FECH: variants seen among roughly 807,000 people sequenced by gnomAD.
The protein encoded by FECH is ferrochelatase.
A neutral mutation model predicts 56.9 loss-of-function variants in FECH; 40 were observed. The observed-to-expected ratio is 0.70, with a 90% CI of 0.55 to 0.92. The LOEUF is 0.92. Ranked by LOEUF, FECH falls within the 40% of genes least tolerant of loss-of-function variation. The pLI is 0.00. For synonymous variants in FECH, 175 were observed against 198.6 expected, an observed-to-expected ratio of 0.88 and a Z score of 1.00; for missense variants, 431 against 529.1, an observed-to-expected ratio of 0.81 and a Z score of 1.82.
chr18:57,582,536 G>A (rs2051297275), intron 1 of FECH, among the ~76,000 whole-genome samples: 1 of 152,002 alleles, frequency 6.6e-6, no homozygotes, highest in Admixed American at 6.6e-5. Context: ...GCAGAGGTGG[G>A]AGGATCGCTT....
intron 1 of FECH, among the ~76,000 whole-genome samples, chr18:57,580,599 C>A (rs1426345675): frequency 6.6e-6 from 1 of 152,138 alleles, no homozygotes; most frequent in Non-Finnish European, 1.5e-5. Flanking sequence ...GGCGAGTGGG[C>A]CAGTTTCCAA....
chr18:57,573,612 A>G (rs1336026941), intron 2 of FECH, among the ~76,000 whole-genome samples: 1 of 152,192 alleles, frequency 6.6e-6, no homozygotes, highest in Non-Finnish European at 1.5e-5. Context: ...TCCGCTAGAA[A>G]TGTTTCCCTT....
chr18:57,565,584 AAAAG>A (rs2051005960), intron 5 of FECH, among the ~76,000 whole-genome samples: 2 of 151,686 alleles, frequency 1.3e-5, no homozygotes, highest in Non-Finnish European at 2.9e-5. Context: ...AAAAAAAAAA[AAAAG>A]AAAGAAATGA....
At chr18:57,564,501 C>T (rs1033941196) in intron 5 of FECH, among the ~76,000 whole-genome samples, 2 of 152,128 alleles carry the variant, frequency 1.3e-5, no homozygotes, top group African/African-American at 4.8e-5. Context: ...TTTCCATCAC[C>T]GATCCACTGG....
chr18:57,557,786 G>C (rs1177875011), intron 7 of FECH, among the ~76,000 whole-genome samples: 1 of 152,070 alleles, frequency 6.6e-6, no homozygotes, highest in African/African-American at 2.4e-5. Context: ...AACAGAGCAA[G>C]ACCCGTCTCA....
intron 3 of FECH, among the ~76,000 whole-genome samples, chr18:57,572,418 G>C (rs559997063): frequency 9.9e-5 from 15 of 151,188 alleles, no homozygotes; most frequent in African/African-American, 2.9e-4. Context: ...ATCGTGGAGT[G>C]GGGGGAGAGG....
intron 6 of FECH, among the ~76,000 whole-genome samples, chr18:57,559,606 G>T (rs1350349277): frequency 6.6e-6 from 1 of 152,196 alleles, no homozygotes; most frequent in Non-Finnish European, 1.5e-5. Context: ...TGCTCCGTTA[G>T]CAGGAAAACA....
intron 5 of FECH, among the ~76,000 whole-genome samples, chr18:57,566,240 A>G (rs1477680310): frequency 6.6e-6 from 1 of 152,210 alleles, no homozygotes; most frequent in Admixed American, 6.5e-5. Flanking sequence ...CACCATTTGT[A>G]ATTACCAGCC....
chr18:57,584,846 G>GA (rs1359329873), intron 1 of FECH, among the ~76,000 whole-genome samples: 3 of 142,984 alleles, frequency 2.1e-5, no homozygotes, highest in East Asian at 2.0e-4. Flanking sequence ...TATGCTCAGT[G>GA]AAAAAAAATG....
Position 57,554,947 on chromosome 18 carries a change from G to T in FECH, c.810C>A (p.Val270=). The change falls in exon 8 of 11, where the codon GTC becomes GTA. Residue 270 remains valine (V), a synonymous_variant. Coordinates refer to ENST00000262093, the MANE Select transcript of FECH (RefSeq NM_000140.5). ...CCTGAGGATATGGGTCGCCTCTGTTGACCACCTGCAGCAGAGACACAATGG... is the reference window on the plus strand; with the variant it reads ...CCTGAGGATATGGGTCGCCTCTGTTTACCACCTGCAGCAGAGACACAATGG... ...FSAHSLPMSV[V]NRGDPYPQEV... is the part of the protein sequence containing the mutation. The T allele has an allele frequency of 6.2e-7, 1 of 1,613,806 alleles. No individual in the cohort carries two copies. Among genetic ancestry groups the T allele is most frequent in the South Asian group, 1.1e-5 (1 of 91,048 alleles).
chr18:57,564,983 G>A lies in FECH; in HGVS notation c.598+1464C>T, dbSNP rs8085396. On this transcript the variant is annotated intron_variant, in intron 5 of 10. Transcript: ENST00000262093. ...ATTTGAGTGGCCTCGAAGAATTAACGTACTTCGCAAAGCCTTCCACAACTT... is the reference window on the plus strand; with the variant it reads ...ATTTGAGTGGCCTCGAAGAATTAACATACTTCGCAAAGCCTTCCACAACTT... Among the ~76,000 whole-genome samples, 1,133 of 152,310 alleles carry A rather than the reference G, an allele frequency of 7.4e-3. 8 individuals are homozygous for A. Among genetic ancestry groups the A allele is most frequent in the African/African-American group, 0.024 (1,012 of 41,564 alleles).
Position 57,554,363 on chromosome 18 carries a change from C to G in FECH, c.974G>C (p.Arg325Thr), listed in dbSNP as rs1434640036. ...TDESIKGLCE[R>T]GRKNILLVPI... ...AACCAAGAGGATATTCTTCCTCCCCCTCTCACAAAGCCCTTTGATAGATTC... is the reference window on the plus strand; with the variant it reads ...AACCAAGAGGATATTCTTCCTCCCCGTCTCACAAAGCCCTTTGATAGATTC... Residue 325 changes from arginine (R) to threonine (T), a missense_variant, in exon 9 of 11, where the codon AGG becomes ACG. Physicochemically the swap from Arg to Thr is moderately conservative, Grantham distance 71. Coordinates refer to ENST00000262093, the MANE Select transcript of FECH (RefSeq NM_000140.5). 4 of 1,614,232 alleles carry G rather than the reference C, an allele frequency of 2.5e-6. No individual in the cohort carries two copies. Among genetic ancestry groups the G allele is most frequent in the East Asian group, 2.2e-5 (1 of 44,880 alleles).
chr18:57,563,031 TA>T (rs775710113), intron 5 of FECH, 51 bp from the exon 6 acceptor site: 1 of 1,454,652 alleles, frequency 6.9e-7, no homozygotes, highest in Non-Finnish European at 9.6e-7. Flanking sequence ...ATGGTGAAAA[TA>T]AAAAACAGAC....
At chr18:57,555,002 C>T (rs745678636) in intron 7 of FECH, 50 bp from the exon 8 acceptor site, 6 of 1,440,272 alleles carry the variant, frequency 4.2e-6, no homozygotes, top group South Asian at 2.3e-5. Flanking sequence ...GGGAAGGCCC[C>T]GAGAGCCTCT....
chr18:57,550,427 C>G lies in FECH; in HGVS notation c.*285G>C. ...AATCTGTACTTAAATAGGTGTGTCT[C>G]ATAAGACAAATTTTTAACTCATTTA... On this transcript the variant is annotated 3_prime_UTR_variant, in exon 11 of 11. Coordinates refer to ENST00000262093, the MANE Select transcript of FECH (RefSeq NM_000140.5). 1 of 388,546 alleles carries G rather than the reference C, an allele frequency of 2.6e-6. No homozygotes were observed. The highest frequency in any genetic ancestry group is 4.8e-6 in the Non-Finnish European group (1 of 208,356). The allele number at this position is 388,546 out of a possible 1,614,324, so 24.1% of individuals were successfully genotyped here. A position where few individuals can be genotyped will look rare whatever the true frequency, so the allele number is the denominator to read the frequency against.
At chr18:57,551,619 A>G (rs186761529) in intron 9 of FECH, among the ~76,000 whole-genome samples, 1 of 152,292 alleles carries the variant, frequency 6.6e-6, no homozygotes, top group African/African-American at 2.4e-5. Context: ...ACCTTCCTAA[A>G]GGTGGTTTGT....
chr18:57,572,618 T>C (rs888176214), intron 3 of FECH, among the ~76,000 whole-genome samples: 1 of 139,784 alleles, frequency 7.2e-6, no homozygotes, highest in Middle Eastern at 4.1e-3. Flanking sequence ...TGTGTATGTA[T>C]GTATGTGCGC....
chr18:57,567,936 GCCA>G (rs1461108260), intron 4 of FECH: 1 of 152,174 alleles, frequency 6.6e-6, no homozygotes, highest in Non-Finnish European at 1.5e-5. Context: ...CCATTTTCCG[GCCA>G]CCAATTTCGT....
In FECH at chr18:57,554,961, G is replaced by A. The variant is rs1346854320; in HGVS notation, c.805-9C>T. ...TCGCCTCTGTTGACCACCTGCAGCA[G>A]AGACACAATGGGTGTTCAGCCATTA... On this transcript the variant is annotated splice_polypyrimidine_tract_variant and intron_variant, in intron 7 of 10. Coordinates refer to ENST00000262093, the MANE Select transcript of FECH (RefSeq NM_000140.5). The A allele has an allele frequency of 1.9e-6, 3 of 1,609,242 alleles. No individual in the cohort carries two copies. Among genetic ancestry groups the A allele is most frequent in the Admixed American group, 1.7e-5 (1 of 59,992 alleles).
Sources: allele counts gnomAD v4.1 joint callset (sites outside exome capture counted in the v4.1 genomes callset), GRCh38; gene constraint gnomAD v4.1.1; transcripts MANE v1.5; gene names NCBI Gene and HGNC (gene_info 2026-07-23, HGNC 2026-07-21).